PTPRN2: variants seen among roughly 807,000 people sequenced by gnomAD.
PTPRN2 encodes protein tyrosine phosphatase receptor type N2, also known as receptor-type tyrosine-protein phosphatase N2.
In PTPRN2, 74 loss-of-function variants were observed where a neutral mutation model predicts 118.8. The ratio of observed to expected loss-of-function variants is 0.62; its 90% CI spans 0.52 to 0.76. PTPRN2 has a LOEUF of 0.76. Ranked by LOEUF, PTPRN2 falls within the 30% of genes least tolerant of loss-of-function variation. The pLI, the probability that PTPRN2 is intolerant of heterozygous loss-of-function variation, is 0.00. For missense variants in PTPRN2, 1,481 were observed against 1,394.4 expected (o/e 1.06, Z -0.99); for synonymous variants, 641 against 608.0 (o/e 1.05, Z -0.80).
chr7:158,469,987 A>G (rs906555742), intron 2 of PTPRN2, among the ~76,000 whole-genome samples: 1 of 151,614 alleles, frequency 6.6e-6, no homozygotes, highest in Non-Finnish European at 1.5e-5. Flanking sequence ...GGGAGCTGGA[A>G]TTTGTCCTAG....
intron 11 of PTPRN2, among the ~76,000 whole-genome samples, chr7:158,007,659 A>T (rs1805722487): frequency 2.0e-5 from 3 of 152,182 alleles, no homozygotes; most frequent in Admixed American, 2.0e-4. Context: ...AAAGAAAAGT[A>T]TCACAGTCAG....
chr7:157,809,283 T>C (rs6951028), intron 12 of PTPRN2, among the ~76,000 whole-genome samples: 45,964 of 137,846 alleles, frequency 0.33, 8,812 homozygotes, highest in African/African-American at 0.56. Context: ...GCACCACCCC[T>C]GCCGTGTGAG....
chr7:157,661,173 G>A (rs988610929), intron 13 of PTPRN2, among the ~76,000 whole-genome samples: 1 of 152,264 alleles, frequency 6.6e-6, no homozygotes, highest in African/African-American at 2.4e-5. Context: ...GCCTCTCAGC[G>A]GGGACCCGCG....
chr7:157,874,951 A>G lies in PTPRN2; in HGVS notation c.1788+23722T>C, dbSNP rs1380223354. Among the ~76,000 whole-genome samples the G allele has an allele frequency of 1.3e-5, 2 of 151,824 alleles. No individual in the cohort carries two copies. Among genetic ancestry groups the G allele is most frequent in the Non-Finnish European group, 2.9e-5 (2 of 68,028 alleles). On this transcript the variant is annotated intron_variant, in intron 12 of 22. Coordinates refer to ENST00000389418, the MANE Select transcript of PTPRN2 (RefSeq NM_002847.5). This position sits in a 1 kb window ranked among gnomAD's most constrained non-coding sequence, Gnocchi z 5.8. ...CAGAGAAACACTTGTGCACGGAGAC[A>G]CACTTGTGCACATACACAGAGACAC...
rs771408792 is a variant in PTPRN2 at position 158,565,203 on chromosome 7, C to T, written c.112+22355G>A. Among the ~76,000 whole-genome samples, 76 of 152,116 alleles carry T rather than the reference C, an allele frequency of 5.0e-4. No homozygotes were observed. The highest frequency in any genetic ancestry group is 6.6e-4 in the Non-Finnish European group (45 of 68,024). Reference sequence around the variant, plus strand: ...TCAGATCTGAGTATCAGGATCCAGCCGTATTTGACTTTTAGAGCTGCAATC... The same window carrying T: ...TCAGATCTGAGTATCAGGATCCAGCTGTATTTGACTTTTAGAGCTGCAATC... On this transcript the variant is annotated intron_variant, in intron 1 of 22. Transcript: ENST00000389418. The surrounding 1 kb of genome is among the most constrained non-coding windows in gnomAD (Gnocchi z 4.6).
intron 12 of PTPRN2, among the ~76,000 whole-genome samples, chr7:157,798,228 C>T (rs1037793395): frequency 2.0e-5 from 3 of 152,176 alleles, no homozygotes; most frequent in African/African-American, 7.2e-5. Flanking sequence ...CACTGCACTC[C>T]AGCCTCGGTG....
At chr7:158,018,941 C>T (rs1466070945) in intron 11 of PTPRN2, among the ~76,000 whole-genome samples, 1 of 102,562 alleles carries the variant, frequency 9.8e-6, no homozygotes, top group South Asian at 3.2e-4. Context: ...GCCTGGCAGA[C>T]AAGAGGGAGA....
intron 6 of PTPRN2, among the ~76,000 whole-genome samples, chr7:158,148,476 G>T: frequency 7.6e-6 from 1 of 131,948 alleles, no homozygotes; most frequent in Non-Finnish European, 1.6e-5. Context: ...CCCCCTCAAT[G>T]ACACCCCATC....
At chr7:158,024,613 G>A (rs756740946) in intron 11 of PTPRN2, among the ~76,000 whole-genome samples, 32 of 152,178 alleles carry the variant, frequency 2.1e-4, no homozygotes, top group Non-Finnish European at 4.4e-4. Context: ...CCAAGAAGAC[G>A]ACCACCAGGA....
chr7:157,998,051 G>A (rs1407096971), intron 11 of PTPRN2, among the ~76,000 whole-genome samples: 8 of 106,812 alleles, frequency 7.5e-5, no homozygotes, highest in Non-Finnish European at 1.0e-4. Flanking sequence ...CAGGGTGGGG[G>A]GAGAGGAGTG....
At position 158,550,738 on chromosome 7, in the gene PTPRN2, C is replaced by T. The variant is rs189654373; in HGVS notation, c.112+36820G>A. Reference sequence around the variant, plus strand: ...ATGTCTAATCTATTTCTCTCATAGGCGTCGTTAATGGGCTGGGACCTGACT... The same window carrying T: ...ATGTCTAATCTATTTCTCTCATAGGTGTCGTTAATGGGCTGGGACCTGACT... On this transcript the variant is annotated intron_variant, in intron 1 of 22. Coordinates refer to ENST00000389418, the MANE Select transcript of PTPRN2 (RefSeq NM_002847.5). Among the ~76,000 whole-genome samples, 571 of 152,342 alleles carry T rather than the reference C, an allele frequency of 3.7e-3. 4 individuals carry two copies. The highest frequency in any genetic ancestry group is 0.013 in the African/African-American group (550 of 41,582).
At position 157,653,741 on chromosome 7, in the gene PTPRN2, G is replaced by A. The variant is rs1056823228; in HGVS notation, c.2196+2616C>T. Among the ~76,000 whole-genome samples, 17 of 152,134 alleles carry A rather than the reference G, an allele frequency of 1.1e-4. No individual in the cohort carries two copies. In the East Asian group the frequency reaches 1.5e-3, roughly 14 times the overall value. Reference sequence around the variant, plus strand: ...TCAGAACTGCTGAGTGAGAGGAGACGCCAGGGTCCAAGGCCCACGTCTGGC... The same window carrying A: ...TCAGAACTGCTGAGTGAGAGGAGACACCAGGGTCCAAGGCCCACGTCTGGC... On this transcript the variant is annotated intron_variant, in intron 14 of 22. Coordinates refer to ENST00000389418, the MANE Select transcript of PTPRN2 (RefSeq NM_002847.5).
chr7:158,005,113 T>C (rs1034729903), intron 11 of PTPRN2, among the ~76,000 whole-genome samples: 1 of 151,786 alleles, frequency 6.6e-6, no homozygotes, highest in Non-Finnish European at 1.5e-5. Flanking sequence ...TTGCTCTTGT[T>C]GCCCAGGCTG....
At chr7:157,604,363 G>T (rs1801880109) in intron 15 of PTPRN2, among the ~76,000 whole-genome samples, 1 of 152,222 alleles carries the variant, frequency 6.6e-6, no homozygotes, top group Non-Finnish European at 1.5e-5. Context: ...CCCTCCGTTT[G>T]TGATCCTCCA....
chr7:157,682,256 G>A (rs917059955), intron 13 of PTPRN2, among the ~76,000 whole-genome samples: 1 of 152,124 alleles, frequency 6.6e-6, no homozygotes, highest in African/African-American at 2.4e-5. Context: ...CCTGGTCAGC[G>A]TTAGGCTTCA....
At chr7:157,919,755 A>G (rs941635794) in intron 11 of PTPRN2, among the ~76,000 whole-genome samples, 13 of 152,340 alleles carry the variant, frequency 8.5e-5, no homozygotes, top group Middle Eastern at 3.4e-3. Flanking sequence ...GACCATTTAT[A>G]TATCTATTTA....
At chr7:158,146,351 C>A (rs938412303) in intron 6 of PTPRN2, among the ~76,000 whole-genome samples, 5 of 152,160 alleles carry the variant, frequency 3.3e-5, no homozygotes, top group Non-Finnish European at 7.3e-5. Flanking sequence ...ATCCCTCCAC[C>A]CACTAACCTA....
intron 12 of PTPRN2, among the ~76,000 whole-genome samples, chr7:157,766,361 C>T (rs1802491158): frequency 6.9e-6 from 1 of 144,560 alleles, no homozygotes; most frequent in South Asian, 2.1e-4. Context: ...CATCCATCTA[C>T]CCATCCATCA....
At chr7:158,567,555 C>A (rs1827735438) in intron 1 of PTPRN2, among the ~76,000 whole-genome samples, 1 of 152,220 alleles carries the variant, frequency 6.6e-6, no homozygotes, top group East Asian at 1.9e-4. Context: ...CAGGCTGGGC[C>A]CTGGACAACA....
Sources: allele counts gnomAD v4.1 joint callset (sites outside exome capture counted in the v4.1 genomes callset), GRCh38; gene constraint gnomAD v4.1.1; non-coding constraint Gnocchi (gnomAD v3.1); transcripts MANE v1.5; gene names NCBI Gene and HGNC (gene_info 2026-07-23, HGNC 2026-07-21).